Variants in PCDHGA8 observed in about 807,000 individuals in gnomAD.
The protein encoded by PCDHGA8 is protocadherin gamma-A8.
A neutral mutation model predicts 59.2 loss-of-function variants in PCDHGA8; 45 were observed. The ratio of observed to expected loss-of-function variants is 0.76; its 90% CI spans 0.60 to 0.98. The LOEUF is 0.98. Ranked by LOEUF, PCDHGA8 falls within the 50% of genes least tolerant of loss-of-function variation. The pLI is 0.00. For missense variants in PCDHGA8, 1,257 were observed against 1,196.2 expected (o/e 1.05, Z -0.75); for synonymous variants, 531 against 519.0 (o/e 1.02, Z -0.32).
chr5:141,398,051 C>G, intron 1 of PCDHGA8: 3 of 1,512,220 alleles, frequency 2.0e-6, no homozygotes, highest in Non-Finnish European at 2.7e-6. Context: ...GTTCGGAGAT[C>G]CAAAAATCTA....
rs1363008017 is a variant in PCDHGA8, at chr5:141,413,215, T to A, written c.2424+17978T>A. ...GAATCGCTCAAAGGAATCAAAGGATTGCAGCGGGCTGGTCCTGCTCTGCCT... is the reference window on the plus strand; with the variant it reads ...GAATCGCTCAAAGGAATCAAAGGATAGCAGCGGGCTGGTCCTGCTCTGCCT... On this transcript the variant is annotated intron_variant, in intron 1 of 3. Coordinates refer to ENST00000398604, the MANE Select transcript of PCDHGA8 (RefSeq NM_032088.2). 6 of 1,613,232 alleles carry A rather than the reference T, an allele frequency of 3.7e-6. No individual in the cohort carries two copies. The African/African-American group carries it at 8.0e-5, about 22-fold the overall frequency.
rs1347978078 is a variant in PCDHGA8, at chr5:141,486,800, C to G, written c.2425-8007C>G. ...GGTGCAGGCCCGGGATCGGGGCAAC[C>G]CACCCCTTAGCAGCACTGTAACAGT... On this transcript the variant is annotated intron_variant, in intron 1 of 3. Coordinates refer to ENST00000398604, the MANE Select transcript of PCDHGA8 (RefSeq NM_032088.2). The surrounding 1 kb of genome is among the most constrained non-coding windows in gnomAD (Gnocchi z 5.0). 1.9e-6 allele frequency: 3 copies of G among 1,614,104 alleles called. No individual in the cohort carries two copies. In the Admixed American group the frequency reaches 5.0e-5, roughly 27 times the overall value.
At chr5:141,448,639 T>C (rs1248697237) in intron 1 of PCDHGA8, among the ~76,000 whole-genome samples, 1 of 152,148 alleles carries the variant, frequency 6.6e-6, no homozygotes, top group Non-Finnish European at 1.5e-5. Context: ...CATTATATCC[T>C]TTAAAAATAT....
intron 1 of PCDHGA8, chr5:141,427,265 C>T (rs767369457): frequency 6.1e-5 from 28 of 456,570 alleles, no homozygotes; most frequent in Non-Finnish European, 1.1e-4. Context: ...GCATGACCAG[C>T]GAATGTAAAA....
In PCDHGA8 at chr5:141,477,510, A is replaced by G; in HGVS notation, c.2425-17297A>G. On this transcript the variant is annotated intron_variant, in intron 1 of 3. Transcript: ENST00000398604. This position sits in a 1 kb window ranked among gnomAD's most constrained non-coding sequence, Gnocchi z 4.9. ...TCTTCTCAATCTTCCTACGACGTTT[A>G]CATTGAAGAAAACAACCTCCCCGGG... is the stretch of plus-strand genomic sequence containing the variant. 3 of 1,614,172 alleles carry G rather than the reference A, an allele frequency of 1.9e-6. No homozygotes were observed. Among genetic ancestry groups the G allele is most frequent in the Non-Finnish European group, 2.5e-6 (3 of 1,180,018 alleles).
At chr5:141,494,644 G>A in intron 1 of PCDHGA8, 163 bp from the exon 2 acceptor site, 1 of 933,684 alleles carries the variant, frequency 1.1e-6, no homozygotes. Flanking sequence ...TGAGACCTGA[G>A]GTGTATTTTG....
intron 1 of PCDHGA8, among the ~76,000 whole-genome samples, chr5:141,455,408 G>A (rs1024760282): frequency 6.6e-6 from 1 of 152,150 alleles, no homozygotes; most frequent in Non-Finnish European, 1.5e-5. Context: ...TACAGAGACA[G>A]AGGGAGCGGG....
chr5:141,448,834 A>G (rs910945659), intron 1 of PCDHGA8, among the ~76,000 whole-genome samples: 2 of 151,780 alleles, frequency 1.3e-5, no homozygotes, highest in African/African-American at 4.8e-5. Context: ...AGTCCCAGCT[A>G]CTCTGGAGGC....
intron 1 of PCDHGA8, among the ~76,000 whole-genome samples, chr5:141,444,473 G>A (rs943971075): frequency 2.6e-5 from 4 of 151,972 alleles, no homozygotes; most frequent in Admixed American, 6.6e-5. Flanking sequence ...GCCCGGTCGC[G>A]TACTGGATTT....
At chr5:141,497,956 C>T (rs2099780659) in intron 2 of PCDHGA8, among the ~76,000 whole-genome samples, 1 of 152,214 alleles carries the variant, frequency 6.6e-6, no homozygotes, top group African/African-American at 2.4e-5. Flanking sequence ...TTCTGTTGGC[C>T]AGGCAGTGTT....
In PCDHGA8 at chr5:141,492,000, A is replaced by G; in HGVS notation, c.2425-2807A>G. On this transcript the variant is annotated intron_variant, in intron 1 of 3. Transcript: ENST00000398604. The surrounding 1 kb of genome is among the most constrained non-coding windows in gnomAD (Gnocchi z 6.9). Reference sequence around the variant, plus strand: ...TCGAGCTTCCGGTGAATTTCGGGCGATTTCCGCGGGTGTCGGGGGTCCCGG... The same window carrying G: ...TCGAGCTTCCGGTGAATTTCGGGCGGTTTCCGCGGGTGTCGGGGGTCCCGG... 1 of 659,856 alleles carries G rather than the reference A, an allele frequency of 1.5e-6. No homozygotes were observed. The highest frequency in any genetic ancestry group is 3.1e-5 in the South Asian group (1 of 32,438). 40.9% of individuals were successfully genotyped at this position (659,856 alleles called of 1,614,324 possible).
At position 141,487,507 on chromosome 5, in the gene PCDHGA8, A is replaced by C; in HGVS notation, c.2425-7300A>C. 6.2e-7 allele frequency: 1 copy of C among 1,614,138 alleles called. No individual in the cohort carries two copies. Among genetic ancestry groups the C allele is most frequent in the Non-Finnish European group, 8.5e-7 (1 of 1,180,028 alleles). On this transcript the variant is annotated intron_variant, in intron 1 of 3. Coordinates refer to ENST00000398604, the MANE Select transcript of PCDHGA8 (RefSeq NM_032088.2). This position sits in a 1 kb window ranked among gnomAD's most constrained non-coding sequence, Gnocchi z 5.0. ...ATGGCTGTACACCCTTGGCTTCTGC[A>C]CCCACTCGGAGTGATAGCTTCATGA...
intron 1 of PCDHGA8, chr5:141,421,995 C>G (rs750731453): frequency 6.2e-7 from 1 of 1,608,844 alleles, no homozygotes; most frequent in South Asian, 1.1e-5. Context: ...CAGAAAACAT[C>G]AGCTCCGGAA....
At position 141,392,802 on chromosome 5, in the gene PCDHGA8, A is replaced by G. The variant is rs2092597829; in HGVS notation, c.-12A>G. 7 of 1,572,582 alleles carry G rather than the reference A, an allele frequency of 4.5e-6. No homozygotes were observed. Among genetic ancestry groups the G allele is most frequent in the Non-Finnish European group, 6.0e-6 (7 of 1,160,642 alleles). ...AGTGAAGATTCTGAGAGGATTCTGC[A>G]GCAAAACAACAATGGCCGCTCCACA... On this transcript the variant is annotated 5_prime_UTR_variant, in exon 1 of 4. Coordinates refer to ENST00000398604, the MANE Select transcript of PCDHGA8 (RefSeq NM_032088.2).
intron 1 of PCDHGA8, chr5:141,430,592 C>A (rs2097296542): frequency 1.8e-6 from 1 of 544,568 alleles, no homozygotes; most frequent in Non-Finnish European, 2.9e-6. Flanking sequence ...TCGCCTTGCA[C>A]GCGCCTGAAG....
intron 1 of PCDHGA8, among the ~76,000 whole-genome samples, chr5:141,466,704 T>C (rs1175063183): frequency 6.6e-6 from 1 of 152,202 alleles, no homozygotes; most frequent in Admixed American, 6.5e-5. Context: ...AAATTTGATG[T>C]CTGTTCTTGT....
chr5:141,422,422 T>TA, intron 1 of PCDHGA8: 1 of 1,607,804 alleles, frequency 6.2e-7, no homozygotes, highest in Non-Finnish European at 8.5e-7. Flanking sequence ...AGAAAAGACT[T>TA]ATGGAAATTA....
chr5:141,486,175 C>T lies in PCDHGA8; in HGVS notation c.2425-8632C>T. ...GTTCTCCAGCCATGGAGCAACATTG[C>T]AGCCTTCGAGTGGATCTGCTGGACG... On this transcript the variant is annotated intron_variant, in intron 1 of 3. Transcript: ENST00000398604. The surrounding 1 kb of genome is among the most constrained non-coding windows in gnomAD (Gnocchi z 5.0). 1 of 1,614,210 alleles carries T rather than the reference C, an allele frequency of 6.2e-7. No individual in the cohort carries two copies.
intron 1 of PCDHGA8, chr5:141,424,460 C>T (rs2096822106): frequency 6.6e-6 from 1 of 152,056 alleles, no homozygotes; most frequent in African/African-American, 2.4e-5. Context: ...GTATTATTTC[C>T]TTTTATTCTT....
Sources: allele counts gnomAD v4.1 joint callset (sites outside exome capture counted in the v4.1 genomes callset), GRCh38; gene constraint gnomAD v4.1.1; non-coding constraint Gnocchi (gnomAD v3.1); transcripts MANE v1.5; gene names NCBI Gene and HGNC (gene_info 2026-07-23, HGNC 2026-07-21).